Variants in FSTL4 observed in about 807,000 individuals in gnomAD.
The protein encoded by FSTL4 is follistatin like 4.
In FSTL4, 28 loss-of-function variants were observed where a neutral mutation model predicts 78.2. The ratio of observed to expected loss-of-function variants is 0.36; its 90% CI spans 0.27 to 0.49. The LOEUF (loss-of-function observed/expected upper bound fraction) is 0.49. Ranked by LOEUF, FSTL4 falls within the 20% of genes least tolerant of loss-of-function variation. The probability of loss-of-function intolerance (pLI) is 0.98; values close to 1 mark genes in which losing one functional copy is unlikely to be tolerated. For missense variants in FSTL4, 922 were observed against 1,084.9 expected (o/e 0.85, Z 2.11); for synonymous variants, 422 against 440.5 (o/e 0.96, Z 0.53).
intron 3 of FSTL4, among the ~76,000 whole-genome samples, chr5:133,523,393 A>T (rs533560755): frequency 6.6e-6 from 1 of 152,344 alleles, no homozygotes; most frequent in South Asian, 2.1e-4. Flanking sequence ...ACTGGCATCC[A>T]TGCCTGGAGC....
intron 4 of FSTL4, among the ~76,000 whole-genome samples, chr5:133,322,269 C>CCA (rs1561671727): frequency 5.7e-4 from 24 of 41,920 alleles, no homozygotes; most frequent in Non-Finnish European, 1.0e-3. Context: ...CCACCCACAC[C>CCA]CACACACCCA....
At chr5:133,708,699 C>T in the FSTL4 span, among the ~76,000 whole-genome samples, 50,658 of 152,122 alleles carry the variant, frequency 0.33, 9,185 homozygotes, top group African/African-American at 0.47. Flanking sequence ...ATTACCTTCC[C>T]CTCTGGTTAT....
chr5:133,210,469 C>CATTAT (rs1750672722), intron 13 of FSTL4, among the ~76,000 whole-genome samples, 171 bp from the exon 14 acceptor site: 1 of 145,434 alleles, frequency 6.9e-6, no homozygotes, highest in Non-Finnish European at 1.5e-5. Context: ...TTCTCAGAGG[C>CATTAT]ATTATTATTA....
intron 6 of FSTL4, chr5:133,256,484 G>C (rs911551441): frequency 6.6e-5 from 10 of 152,268 alleles, no homozygotes. Context: ...ACTTTGGCTG[G>C]TGTTTACAGA....
chr5:133,547,835 AG>A (rs1311250856), intron 3 of FSTL4, among the ~76,000 whole-genome samples: 4 of 152,236 alleles, frequency 2.6e-5, no homozygotes, highest in Non-Finnish European at 5.9e-5. Context: ...TAAATTAACC[AG>A]TCTCAGGTAT....
At chr5:133,652,638 C>G in the FSTL4 span, among the ~76,000 whole-genome samples, 1 of 152,132 alleles carries the variant, frequency 6.6e-6, no homozygotes, top group African/African-American at 2.4e-5. Flanking sequence ...GTATGATTCC[C>G]ATTCTCGTAA....
intron 7 of FSTL4, among the ~76,000 whole-genome samples, chr5:133,234,190 G>C (rs1305767560): frequency 6.6e-6 from 1 of 152,182 alleles, no homozygotes; most frequent in Non-Finnish European, 1.5e-5. Flanking sequence ...ATTTCAGGCT[G>C]CTTGCAGAGA....
rs1185357599 is a variant in FSTL4, at chr5:133,338,657, C to T, written c.410-22005G>A. Among the ~76,000 whole-genome samples, 2 of 152,032 alleles carry T rather than the reference C, an allele frequency of 1.3e-5. No individual in the cohort carries two copies. The highest frequency in any genetic ancestry group is 2.4e-5 in the African/African-American group (1 of 41,368). On this transcript the variant is annotated intron_variant, in intron 4 of 15. Transcript: ENST00000265342. The surrounding 1 kb of genome is among the most constrained non-coding windows in gnomAD (Gnocchi z 4.0). Reference sequence around the variant, plus strand: ...CACCCCACTGTTGGCCTGACATTTCCCCACATTGTCCCACAGGCCCCTCAA... The same window carrying T: ...CACCCCACTGTTGGCCTGACATTTCTCCACATTGTCCCACAGGCCCCTCAA...
At chr5:133,233,302 T>G in intron 8 of FSTL4, 115 bp downstream of exon 8, 1 of 1,130,276 alleles carries the variant, frequency 8.8e-7, no homozygotes. Context: ...AGATGATATA[T>G]TTTGGGGTTA....
chr5:133,235,567 A>C (rs1427349464), intron 7 of FSTL4, among the ~76,000 whole-genome samples: 1 of 151,442 alleles, frequency 6.6e-6, no homozygotes, highest in East Asian at 1.9e-4. Context: ...GCCCAGAGTG[A>C]AGCTTGGGGT....
At chr5:133,313,447 G>A (rs1753836214) in intron 5 of FSTL4, among the ~76,000 whole-genome samples, 1 of 152,144 alleles carries the variant, frequency 6.6e-6, no homozygotes, top group African/African-American at 2.4e-5. Context: ...CTGAGCCATA[G>A]GACACAGAGG....
At chr5:133,559,317 C>G (rs1759864229) in intron 3 of FSTL4, among the ~76,000 whole-genome samples, 1 of 152,174 alleles carries the variant, frequency 6.6e-6, no homozygotes, top group African/African-American at 2.4e-5. Flanking sequence ...TCAAGGGTTC[C>G]TGAAAAGCAA....
intron 4 of FSTL4, among the ~76,000 whole-genome samples, chr5:133,368,415 C>T (rs1479115835): frequency 6.6e-6 from 1 of 152,256 alleles, no homozygotes; most frequent in Non-Finnish European, 1.5e-5. Flanking sequence ...GTGCTTGGAA[C>T]TCTTCTGGGC....
chr5:133,643,081 A>T, the FSTL4 span, among the ~76,000 whole-genome samples: 1 of 152,244 alleles, frequency 6.6e-6, no homozygotes, highest in Non-Finnish European at 1.5e-5. Flanking sequence ...TTATGTGTGA[A>T]AGTCGGAGAC....
intron 4 of FSTL4, among the ~76,000 whole-genome samples, chr5:133,352,765 T>C (rs1754859453): frequency 6.6e-6 from 1 of 152,230 alleles, no homozygotes; most frequent in South Asian, 2.1e-4. Flanking sequence ...ATCCATGTTG[T>C]TGCAAATGAC....
At chr5:133,674,457 A>G in the FSTL4 span, among the ~76,000 whole-genome samples, 1 of 152,246 alleles carries the variant, frequency 6.6e-6, no homozygotes, top group East Asian at 1.9e-4. Context: ...ACCAAAAGAG[A>G]AAAAGGATCT....
chr5:133,256,014 T>C (rs964074837), intron 6 of FSTL4, among the ~76,000 whole-genome samples: 4 of 152,214 alleles, frequency 2.6e-5, no homozygotes, highest in African/African-American at 9.6e-5. Flanking sequence ...AGTTTTCTTA[T>C]GTCAGAAACA....
chr5:133,686,275 T>C, the FSTL4 span, among the ~76,000 whole-genome samples: 1 of 152,188 alleles, frequency 6.6e-6, no homozygotes, highest in Non-Finnish European at 1.5e-5. Flanking sequence ...CCTTAAGCAG[T>C]GTCATCAAAC....
At chr5:133,717,549 G>A in the FSTL4 span, among the ~76,000 whole-genome samples, 25 of 152,254 alleles carry the variant, frequency 1.6e-4, 1 homozygote, top group Admixed American at 1.3e-3. Context: ...CTCCATCACA[G>A]CCAAACGTTC....
Sources: gnomAD v4.1 joint callset for allele counts (sites outside exome capture counted in the v4.1 genomes callset) on GRCh38, gnomAD v4.1.1 for gene constraint, Gnocchi (gnomAD v3.1) non-coding constraint, MANE v1.5 for transcripts, NCBI Gene and HGNC (gene_info 2026-07-23, HGNC 2026-07-21) for gene names.